CCSER1: variants seen among roughly 807,000 people sequenced by gnomAD.
CCSER1 encodes serine-rich coiled-coil domain-containing protein 1.
Under a neutral mutation model 82.0 loss-of-function variants are expected in CCSER1, and 41 were observed. That is an observed-to-expected ratio of 0.50 (90% confidence interval 0.39 to 0.65). The LOEUF is 0.65. Ranked by LOEUF, CCSER1 falls within the 30% of genes least tolerant of loss-of-function variation. CCSER1 has a pLI of 0.00. For synonymous variants in CCSER1, 414 were observed against 383.9 expected, an observed-to-expected ratio of 1.08 and a Z score of -0.92; for missense variants, 1,119 against 1,064.2, an observed-to-expected ratio of 1.05 and a Z score of -0.72.
At chr4:91,262,652 A>G (rs998267834) in intron 10 of CCSER1, among the ~76,000 whole-genome samples, 14 of 152,126 alleles carry the variant, frequency 9.2e-5, no homozygotes, top group Middle Eastern at 3.2e-3. Flanking sequence ...CTAAATTCCA[A>G]TTAAATTTAG....
intron 3 of CCSER1, among the ~76,000 whole-genome samples, chr4:90,380,406 G>A (rs920215792): frequency 4.6e-5 from 7 of 152,068 alleles, no homozygotes; most frequent in African/African-American, 1.7e-4. Context: ...AGTAGTTAAT[G>A]ATTTTTAACT....
intron 1 of CCSER1, among the ~76,000 whole-genome samples, chr4:90,292,300 T>C (rs1348138871): frequency 6.6e-6 from 1 of 151,966 alleles, no homozygotes; most frequent in East Asian, 1.9e-4. Flanking sequence ...GATATTCAGA[T>C]ATATATGAGT....
chr4:90,709,604 G>T (rs1030609781), intron 6 of CCSER1, among the ~76,000 whole-genome samples: 3 of 152,060 alleles, frequency 2.0e-5, no homozygotes, highest in African/African-American at 7.2e-5. Context: ...TCCATGTAAA[G>T]GGCATGATCC....
At chr4:90,326,407 C>T (rs1738215522) in intron 3 of CCSER1, among the ~76,000 whole-genome samples, 1 of 151,790 alleles carries the variant, frequency 6.6e-6, no homozygotes, top group Non-Finnish European at 1.5e-5. Context: ...GAGTAGCTGC[C>T]ATTTTTATCA....
rs957826885 is a variant in CCSER1, at chr4:90,259,664, T to G, written c.-41-48580T>G. On this transcript the variant is annotated intron_variant, in intron 1 of 10. Transcript: ENST00000509176. Reference sequence around the variant, plus strand: ...CCTATTTTGTTAAGAGTTTTTATTATGAAGGGATGCTGGATTTTACCAAGT... The same window carrying G: ...CCTATTTTGTTAAGAGTTTTTATTAGGAAGGGATGCTGGATTTTACCAAGT... Among the ~76,000 whole-genome samples the G allele has an allele frequency of 2.0e-5, 3 of 152,302 alleles. No individual in the cohort carries two copies. In the South Asian group the frequency reaches 6.2e-4, roughly 32 times the overall value.
At chr4:90,766,641 A>AT (rs1751280774) in intron 7 of CCSER1, among the ~76,000 whole-genome samples, 1 of 152,086 alleles carries the variant, frequency 6.6e-6, no homozygotes, top group South Asian at 2.1e-4. Context: ...TTTCTAAAAA[A>AT]TAAAAAAATA....
intron 10 of CCSER1, among the ~76,000 whole-genome samples, chr4:91,357,061 T>TGTATCTTG (rs1748884382): frequency 6.6e-6 from 1 of 152,242 alleles, no homozygotes; most frequent in South Asian, 2.1e-4. Context: ...TCCAGGCATT[T>TGTATCTTG]GTATCTTGGT....
Position 91,493,094 on chromosome 4 carries a change from A to G in CCSER1, c.2218-105478A>G, listed in dbSNP as rs559769297. Reference sequence around the variant, plus strand: ...TCAAGGAGTATAGTTTGTGTGCAAGATAAGTTTTCCATAGAAGTAAACGTA... The same window carrying G: ...TCAAGGAGTATAGTTTGTGTGCAAGGTAAGTTTTCCATAGAAGTAAACGTA... On this transcript the variant is annotated intron_variant, in intron 10 of 10. Coordinates refer to ENST00000509176, the MANE Select transcript of CCSER1 (RefSeq NM_001145065.2). 3.9e-5 allele frequency among the ~76,000 whole-genome samples: 6 copies of G among 152,118 alleles called. 1 individual carries two copies. The highest frequency in any genetic ancestry group is 1.3e-4 in the Admixed American group (2 of 15,226).
At position 91,064,967 on chromosome 4, in the gene CCSER1, G is replaced by A. The variant is rs11941666; in HGVS notation, c.2173-20983G>A. 9.1e-3 allele frequency among the ~76,000 whole-genome samples: 1,384 copies of A among 151,352 alleles called. 23 individuals carry two copies. The highest frequency in any genetic ancestry group is 0.032 in the African/African-American group (1,301 of 41,268). On this transcript the variant is annotated intron_variant, in intron 9 of 10. Coordinates refer to ENST00000509176, the MANE Select transcript of CCSER1 (RefSeq NM_001145065.2). The stretch of plus-strand genomic sequence containing the variant: ...CCTAGGTTTTCAATTTTTTTTTTCA[G>A]GATTTTGCTTATATTGTAAGTACAG...
In CCSER1 at chr4:91,265,739, GA is replaced by G. The variant is rs1324811244; in HGVS notation, c.2217+179748del. Among the ~76,000 whole-genome samples the G allele has an allele frequency of 3.3e-5, 5 of 152,282 alleles. 1 individual carries two copies. Among genetic ancestry groups the G allele is most frequent in the African/African-American group, 1.2e-4 (5 of 41,556 alleles). On this transcript the variant is annotated intron_variant, in intron 10 of 10. Coordinates refer to ENST00000509176, the MANE Select transcript of CCSER1 (RefSeq NM_001145065.2). Reference sequence around the variant, plus strand: ...GGTAAAGAGATAAAATAAGCAAGTGGAAAGAATGAGCAAAACTATGTTGAAT... The same window carrying G: ...GGTAAAGAGATAAAATAAGCAAGTGGAAGAATGAGCAAAACTATGTTGAAT...
At chr4:91,117,698 G>GA (rs60206492) in intron 10 of CCSER1, among the ~76,000 whole-genome samples, 3,250 of 150,290 alleles carry the variant, frequency 0.022, 40 homozygotes, top group Non-Finnish European at 0.035. Flanking sequence ...GCCATAGGCA[G>GA]AAAAAAAAAT....
intron 5 of CCSER1, 191 bp downstream of exon 5, chr4:90,468,545 A>G: frequency 2.1e-6 from 1 of 471,376 alleles, no homozygotes. Context: ...ATGTCTTTGA[A>G]CCATGTGTCA....
At chr4:90,969,664 TA>T (rs948676383) in intron 9 of CCSER1, among the ~76,000 whole-genome samples, 11 of 151,916 alleles carry the variant, frequency 7.2e-5, no homozygotes, top group Non-Finnish European at 1.5e-4. Flanking sequence ...AGACATGCCT[TA>T]AAAAATGGTA....
At chr4:91,364,766 C>A (rs189692625) in intron 10 of CCSER1, among the ~76,000 whole-genome samples, 33 of 152,010 alleles carry the variant, frequency 2.2e-4, no homozygotes, top group African/African-American at 6.0e-4. Flanking sequence ...GCATTTCCAC[C>A]AAATTTTGGA....
intron 10 of CCSER1, among the ~76,000 whole-genome samples, chr4:91,269,642 A>G (rs72877043): frequency 0.016 from 2,431 of 152,280 alleles, 70 homozygotes; most frequent in African/African-American, 0.056. Context: ...ACCAAGGTCA[A>G]ATTTTTATTT....
At chr4:90,635,221 A>G (rs1053872145) in intron 6 of CCSER1, among the ~76,000 whole-genome samples, 2 of 151,732 alleles carry the variant, frequency 1.3e-5, no homozygotes, top group Non-Finnish European at 3.0e-5. Flanking sequence ...TTTTAACCCA[A>G]TTGACATTTA....
Position 90,197,942 on chromosome 4 carries a change from G to A in CCSER1, c.-42+70111G>A, listed in dbSNP as rs532086424. On this transcript the variant is annotated intron_variant, in intron 1 of 10. Transcript: ENST00000509176. ...TGTTTAAGAGTAAATTAGATTGTTA[G>A]TATCACAAAGAATAAATGCTTGAAG... is the stretch of plus-strand genomic sequence containing the variant. Among the ~76,000 whole-genome samples, 205 of 152,168 alleles carry A rather than the reference G, an allele frequency of 1.3e-3. 1 individual carries two copies. The highest frequency in any genetic ancestry group is 2.2e-3 in the Non-Finnish European group (153 of 68,004).
chr4:91,354,350 A>G (rs1472593083), intron 10 of CCSER1, among the ~76,000 whole-genome samples: 1 of 152,234 alleles, frequency 6.6e-6, no homozygotes, highest in East Asian at 1.9e-4. Flanking sequence ...AGTAAGAAGA[A>G]AGATGGCTTA....
At chr4:90,813,561 T>C (rs1423558060) in intron 7 of CCSER1, among the ~76,000 whole-genome samples, 2 of 152,164 alleles carry the variant, frequency 1.3e-5, no homozygotes, top group East Asian at 3.9e-4. Context: ...GGCTGTTCTT[T>C]CCTATGCTAT....
Sources: gnomAD v4.1 joint callset for allele counts (sites outside exome capture counted in the v4.1 genomes callset) on GRCh38, gnomAD v4.1.1 for gene constraint, MANE v1.5 for transcripts, NCBI Gene and HGNC (gene_info 2026-07-23, HGNC 2026-07-21) for gene names.